HCN1: variants seen among roughly 807,000 people sequenced by gnomAD.
The protein encoded by HCN1 is hyperpolarization activated cyclic nucleotide gated potassium channel 1.
In HCN1, 13 loss-of-function variants were observed where a neutral mutation model predicts 78.9. The ratio of observed to expected loss-of-function variants is 0.16; its 90% CI spans 0.11 to 0.26. The LOEUF is 0.26. Among genes scored for constraint, HCN1 ranks in the 10% least tolerant of loss-of-function variants. The pLI is 1.00. For missense variants in HCN1, 810 were observed against 1,154.3 expected (o/e 0.70, Z 4.32); for synonymous variants, 552 against 455.5 (o/e 1.21, Z -2.70).
intron 7 of HCN1, 119 bp downstream of exon 7, chr5:45,266,970 A>C (rs972596856): frequency 1.1e-6 from 1 of 882,930 alleles, no homozygotes; most frequent in African/African-American, 1.7e-5. Flanking sequence ...TGGCCTCCCA[A>C]AGTGATGGGA....
chr5:45,445,954 A>C (rs1227043082), intron 3 of HCN1, among the ~76,000 whole-genome samples: 1 of 152,190 alleles, frequency 6.6e-6, no homozygotes, highest in East Asian at 1.9e-4. Context: ...AGAGCAGAAA[A>C]ACTGGAAACT....
chr5:45,374,111 TAC>T (rs1350364320), intron 4 of HCN1, among the ~76,000 whole-genome samples: 7 of 108,948 alleles, frequency 6.4e-5, no homozygotes, highest in Middle Eastern at 8.3e-3. Flanking sequence ...ATATATTATA[TAC>T]ATAATATATA....
At chr5:45,586,032 A>G (rs1370400326) in intron 2 of HCN1, among the ~76,000 whole-genome samples, 1 of 152,110 alleles carries the variant, frequency 6.6e-6, no homozygotes, top group East Asian at 1.9e-4. Context: ...TGCTGGGAGA[A>G]CCACTACTCT....
At chr5:45,693,776 G>C (rs1166477402) in intron 1 of HCN1, among the ~76,000 whole-genome samples, 5 of 151,626 alleles carry the variant, frequency 3.3e-5, no homozygotes, top group South Asian at 2.1e-4. Flanking sequence ...GTATCATTTT[G>C]ATAAGGGATA....
intron 6 of HCN1, among the ~76,000 whole-genome samples, chr5:45,272,248 T>C (rs374376854): frequency 7.2e-5 from 11 of 152,220 alleles, no homozygotes; most frequent in African/African-American, 2.4e-4. Context: ...CATATCTGTG[T>C]GTATATGTGT....
chr5:45,392,862 AG>A (rs946809210), intron 4 of HCN1, among the ~76,000 whole-genome samples: 1 of 152,126 alleles, frequency 6.6e-6, no homozygotes, highest in Non-Finnish European at 1.5e-5. Flanking sequence ...ATTTTGGAGA[AG>A]TTTAGCGTTT....
chr5:45,505,905 G>C (rs905616232), intron 2 of HCN1, among the ~76,000 whole-genome samples: 16 of 151,984 alleles, frequency 1.1e-4, no homozygotes, highest in African/African-American at 3.9e-4. Context: ...AGGAACATTA[G>C]CTAATCAAGC....
At chr5:45,428,063 G>A (rs1325072952) in intron 3 of HCN1, among the ~76,000 whole-genome samples, 2 of 151,906 alleles carry the variant, frequency 1.3e-5, no homozygotes, top group Non-Finnish European at 2.9e-5. Context: ...CATTGTTCAA[G>A]CCACTTAATA....
rs147777700 is a variant in HCN1, at chr5:45,438,694, T to C, written c.1011+23152A>G. 3.3e-5 allele frequency among the ~76,000 whole-genome samples: 5 copies of C among 152,276 alleles called. No homozygotes were observed. The East Asian group carries it at 5.8e-4, about 18-fold the overall frequency. On this transcript the variant is annotated intron_variant, in intron 3 of 7. Coordinates refer to ENST00000303230, the MANE Select transcript of HCN1 (RefSeq NM_021072.4). ...CAGCTCTACTATTTACAGTGAGTGA[T>C]ATTAACTACTCAGAACTCCAGTTTC...
At chr5:45,534,736 T>G (rs1036187660) in intron 2 of HCN1, among the ~76,000 whole-genome samples, 16 of 152,106 alleles carry the variant, frequency 1.1e-4, no homozygotes, top group Admixed American at 3.9e-4. Context: ...GCATAAGTGA[T>G]TTTGATAATA....
intron 6 of HCN1, among the ~76,000 whole-genome samples, chr5:45,284,848 G>C (rs182290451): frequency 1.3e-5 from 2 of 152,186 alleles, no homozygotes; most frequent in East Asian, 3.9e-4. Context: ...ATGGACAAGA[G>C]ATTTATTTCT....
intron 2 of HCN1, among the ~76,000 whole-genome samples, chr5:45,518,775 A>C (rs1347372102): frequency 6.6e-6 from 1 of 152,046 alleles, no homozygotes; most frequent in East Asian, 1.9e-4. Flanking sequence ...TTTGTTGAAA[A>C]GAGGGAAGGG....
At chr5:45,608,110 G>A (rs953791634) in intron 2 of HCN1, among the ~76,000 whole-genome samples, 3 of 151,742 alleles carry the variant, frequency 2.0e-5, no homozygotes, top group African/African-American at 7.3e-5. Flanking sequence ...GTTAAAATAA[G>A]ATACTATTTA....
intron 2 of HCN1, among the ~76,000 whole-genome samples, chr5:45,467,118 TA>T (rs1741290137): frequency 6.6e-6 from 1 of 152,036 alleles, no homozygotes; most frequent in Non-Finnish European, 1.5e-5. Context: ...CATAATCAAT[TA>T]ATTATCAAAT....
chr5:45,624,419 TAAGTA>T (rs1360252311), intron 2 of HCN1, among the ~76,000 whole-genome samples: 1 of 152,092 alleles, frequency 6.6e-6, no homozygotes, highest in Non-Finnish European at 1.5e-5. Flanking sequence ...AAAGAGTAGT[TAAGTA>T]ATCAGTGGAA....
intron 2 of HCN1, among the ~76,000 whole-genome samples, chr5:45,580,167 T>G (rs1214517092): frequency 6.6e-6 from 1 of 151,936 alleles, no homozygotes; most frequent in Non-Finnish European, 1.5e-5. Flanking sequence ...AAAAGGAAAT[T>G]AAGGTTGTGG....
chr5:45,446,489 C>G (rs1265076760), intron 3 of HCN1, among the ~76,000 whole-genome samples: 1 of 152,096 alleles, frequency 6.6e-6, no homozygotes, highest in Non-Finnish European at 1.5e-5. Context: ...GAGAACTTCC[C>G]CAATCTAGCA....
intron 7 of HCN1, among the ~76,000 whole-genome samples, chr5:45,263,886 C>T (rs1042983404): frequency 9.9e-5 from 15 of 152,128 alleles, no homozygotes; most frequent in Admixed American, 3.3e-4. Flanking sequence ...CTCTGCCTCC[C>T]GGGTTCATGC....
chr5:45,498,202 C>T (rs1235881446), intron 2 of HCN1, among the ~76,000 whole-genome samples: 1 of 152,158 alleles, frequency 6.6e-6, no homozygotes, highest in East Asian at 1.9e-4. Flanking sequence ...GTTCCATTCT[C>T]CCCATCACTT....
Sources: gnomAD v4.1 joint callset for allele counts (sites outside exome capture counted in the v4.1 genomes callset) on GRCh38, gnomAD v4.1.1 for gene constraint, MANE v1.5 for transcripts, NCBI Gene and HGNC (gene_info 2026-07-23, HGNC 2026-07-21) for gene names.